MPPED2: variants seen among roughly 807,000 people sequenced by gnomAD.
The protein encoded by MPPED2 is metallophosphoesterase domain containing 2, also known as metallophosphoesterase MPPED2.
MPPED2 carries 5 observed loss-of-function variants against 33.0 expected under a neutral mutation model. The observed-to-expected ratio is 0.15, with a 90% CI of 0.08 to 0.32. MPPED2 has a LOEUF of 0.32. Among genes scored for constraint, MPPED2 ranks in the 10% least tolerant of loss-of-function variants. MPPED2 has a pLI of 1.00. For synonymous variants in MPPED2, 136 were observed against 141.9 expected (o/e 0.96, Z 0.29); for missense variants, 275 against 372.1 (o/e 0.74, Z 2.15).
chr11:30,464,268 A>AACACACACACACACACACAC (rs10660237), intron 4 of MPPED2, among the ~76,000 whole-genome samples: 2 of 145,916 alleles, frequency 1.4e-5, no homozygotes, highest in African/African-American at 5.1e-5. Flanking sequence ...AAAGGATACT[A>AACACACACACACACACACAC]ACACACACAC....
intron 4 of MPPED2, among the ~76,000 whole-genome samples, chr11:30,486,724 G>A (rs190164333): frequency 1.3e-5 from 2 of 152,236 alleles, no homozygotes; most frequent in Admixed American, 1.3e-4. Flanking sequence ...TTTATTGAAC[G>A]ATGCTCACCT....
chr11:30,473,303 T>A (rs927864997), intron 4 of MPPED2, among the ~76,000 whole-genome samples: 4 of 152,172 alleles, frequency 2.6e-5, no homozygotes, highest in African/African-American at 9.7e-5. Flanking sequence ...AATCAAACTC[T>A]CTAACAGTTT....
At chr11:30,505,496 A>G (rs1225224591) in intron 3 of MPPED2, among the ~76,000 whole-genome samples, 1 of 152,224 alleles carries the variant, frequency 6.6e-6, no homozygotes, top group Non-Finnish European at 1.5e-5. Flanking sequence ...CAGTATTGCC[A>G]TCTGGCTGGA....
Position 30,410,429 on chromosome 11 carries a change from G to A in MPPED2, c.*1039C>T, listed in dbSNP as rs866890492. On this transcript the variant is annotated 3_prime_UTR_variant, in exon 7 of 7. Transcript: ENST00000358117. ...AGCGAAGATTGCATCGACACACAGTGCAAAATGGGAGAGGGGAGAGGAAGT... is the reference window on the plus strand; with the variant it reads ...AGCGAAGATTGCATCGACACACAGTACAAAATGGGAGAGGGGAGAGGAAGT... The A allele has an allele frequency of 2.0e-6, 2 of 980,610 alleles. No homozygotes were observed. The highest frequency in any genetic ancestry group is 5.3e-4 in the Middle Eastern group (1 of 1,904). 60.7% of individuals were successfully genotyped at this position (980,610 alleles called of 1,614,324 possible).
chr11:30,454,326 C>T (rs1473071944), intron 4 of MPPED2, among the ~76,000 whole-genome samples: 5 of 152,100 alleles, frequency 3.3e-5, no homozygotes, highest in East Asian at 1.9e-4. Context: ...CAACAATAGC[C>T]GGGCTACAGC....
chr11:30,498,471 C>A (rs1213558124), intron 3 of MPPED2, among the ~76,000 whole-genome samples: 2 of 151,250 alleles, frequency 1.3e-5, no homozygotes, highest in Non-Finnish European at 2.9e-5. Flanking sequence ...TTGCTTGAAC[C>A]CCGGAGGTGC....
chr11:30,398,499 G>C (rs1251359981), intron 6 of MPPED2, among the ~76,000 whole-genome samples: 1 of 152,082 alleles, frequency 6.6e-6, no homozygotes, highest in Non-Finnish European at 1.5e-5. Context: ...CAGATGGTCA[G>C]ATGATTTTTT....
chr11:30,414,651 C>T (rs1323600320), intron 5 of MPPED2, among the ~76,000 whole-genome samples: 3 of 151,916 alleles, frequency 2.0e-5, no homozygotes, highest in East Asian at 1.9e-4. Context: ...CATTTATTCC[C>T]GGCAGTCCCA....
rs529516286 is a variant in MPPED2 at position 30,453,487 on chromosome 11, G to A, written c.537-35854C>T. ...TTTCTCTCCAATAGGGCAATTTCAA[G>A]ACTGCCTGTTTTTGTAAATAGTGTA... On this transcript the variant is annotated intron_variant, in intron 4 of 6. Coordinates refer to ENST00000358117, the MANE Select transcript of MPPED2 (RefSeq NM_001584.3). Among the ~76,000 whole-genome samples, 4 of 152,292 alleles carry A rather than the reference G, an allele frequency of 2.6e-5. No individual in the cohort carries two copies. The South Asian group carries it at 8.3e-4, about 32-fold the overall frequency.
chr11:30,466,937 C>T (rs1358958932), intron 4 of MPPED2, among the ~76,000 whole-genome samples: 1 of 152,236 alleles, frequency 6.6e-6, no homozygotes, highest in African/African-American at 2.4e-5. Context: ...GAATTGAATA[C>T]GTGTGTGTAT....
chr11:30,533,785 G>A (rs811210), intron 3 of MPPED2, among the ~76,000 whole-genome samples: 94,576 of 151,998 alleles, frequency 0.62, 29,727 homozygotes, highest in African/African-American at 0.72. Context: ...AGGGGAAATA[G>A]GAAGAGAAGG....
At chr11:30,472,269 G>A (rs1950982212) in intron 4 of MPPED2, among the ~76,000 whole-genome samples, 1 of 152,172 alleles carries the variant, frequency 6.6e-6, no homozygotes, top group African/African-American at 2.4e-5. Context: ...TCTGAGGTGG[G>A]AGGATTGCTT....
At chr11:30,397,144 A>G (rs559619568) in intron 6 of MPPED2, among the ~76,000 whole-genome samples, 3 of 152,302 alleles carry the variant, frequency 2.0e-5, no homozygotes, top group East Asian at 3.9e-4. Flanking sequence ...TGTGAAATAA[A>G]CTAATGTAAT....
intron 4 of MPPED2, among the ~76,000 whole-genome samples, chr11:30,466,199 G>A (rs1202207177): frequency 6.6e-6 from 1 of 152,174 alleles, no homozygotes; most frequent in Non-Finnish European, 1.5e-5. Context: ...TTTCTATATA[G>A]AATCTAAGCT....
chr11:30,390,648 A>G (rs2133694671), intron 6 of MPPED2, among the ~76,000 whole-genome samples: 1 of 152,346 alleles, frequency 6.6e-6, no homozygotes, highest in Non-Finnish European at 1.5e-5. Context: ...GCTGTGTAAC[A>G]AAGTACCCCA....
chr11:30,544,184 G>A (rs1037675293), intron 2 of MPPED2, among the ~76,000 whole-genome samples: 8 of 152,084 alleles, frequency 5.3e-5, no homozygotes, highest in African/African-American at 1.9e-4. Context: ...GCTAACTACC[G>A]TGTCAGCCAC....
At chr11:30,581,729 C>A (rs759282239) in intron 1 of MPPED2, among the ~76,000 whole-genome samples, 3 of 152,188 alleles carry the variant, frequency 2.0e-5, no homozygotes, top group Non-Finnish European at 4.4e-5. Context: ...CTTGAGTAAT[C>A]CCCCATATGC....
chr11:30,447,836 G>A (rs567688), intron 4 of MPPED2, among the ~76,000 whole-genome samples: 13,029 of 152,134 alleles, frequency 0.086, 729 homozygotes, highest in South Asian at 0.24. Flanking sequence ...CCTAGGTGCT[G>A]GAGATACAAG....
intron 4 of MPPED2, 27 bp downstream of exon 4, chr11:30,495,269 T>G (rs768959242): frequency 3.3e-6 from 5 of 1,524,554 alleles, no homozygotes; most frequent in Non-Finnish European, 4.6e-6. Context: ...AAAAGCAATG[T>G]GGAAAACTGT....
Sources: allele counts gnomAD v4.1 joint callset (sites outside exome capture counted in the v4.1 genomes callset), GRCh38; gene constraint gnomAD v4.1.1; transcripts MANE v1.5; gene names NCBI Gene and HGNC (gene_info 2026-07-23, HGNC 2026-07-21).